Variants in HSP90AA1 observed in about 807,000 individuals in gnomAD.
HSP90AA1 encodes the protein heat shock protein 90 alpha family class A member 1.
Under a neutral mutation model 73.3 loss-of-function variants are expected in HSP90AA1, and 18 were observed. The ratio of observed to expected loss-of-function variants is 0.25; its 90% CI spans 0.17 to 0.36. The LOEUF is 0.36. Among genes scored for constraint, HSP90AA1 ranks in the 10% least tolerant of loss-of-function variants. The pLI is 1.00. For missense variants in HSP90AA1, 704 were observed against 874.2 expected, an observed-to-expected ratio of 0.81 and a Z score of 2.45; for synonymous variants, 477 against 296.9, an observed-to-expected ratio of 1.61 and a Z score of -6.24.
intron 1 of HSP90AA1, among the ~76,000 whole-genome samples, chr14:102,107,237 T>C (rs761659536): frequency 6.6e-6 from 1 of 152,004 alleles, no homozygotes; most frequent in Non-Finnish European, 1.5e-5. Context: ...CTGCCGCACA[T>C]CCTAGAGATT....
chr14:102,120,894 C>T (rs1370885719), intron 1 of HSP90AA1, among the ~76,000 whole-genome samples: 1 of 151,510 alleles, frequency 6.6e-6, no homozygotes, highest in Non-Finnish European at 1.5e-5. Context: ...GCTGAGATTG[C>T]ACCACTGCAC....
At position 102,139,195 on chromosome 14, in the gene HSP90AA1, C is replaced by G. The variant is rs576147960; in HGVS notation, c.155+55G>C. ...ATGCTGTACCACATTCTTCTCTCCC[C>G]CTACCCCGCCTGAAATAAAACATAG... is the stretch of plus-strand genomic sequence containing the variant. On this transcript the variant is annotated intron_variant, in intron 1 of 11. Coordinates refer to the HSP90AA1 transcript ENST00000334701. 65 of 1,602,622 alleles carry G rather than the reference C, an allele frequency of 4.1e-5. No individual in the cohort carries two copies. In the African/African-American group the frequency reaches 6.8e-4, roughly 17 times the overall value.
At chr14:102,093,439 C>T (rs2049384829) in intron 2 of HSP90AA1, among the ~76,000 whole-genome samples, 1 of 147,096 alleles carries the variant, frequency 6.8e-6, no homozygotes, top group African/African-American at 2.5e-5. Context: ...AACCCGAGAG[C>T]ACACCACTGC....
Position 102,085,836 on chromosome 14 carries a change from T to C in HSP90AA1, c.451A>G (p.Ile151Val), listed in dbSNP as rs990891880. Residue 151 changes from isoleucine (I) to valine (V), a missense_variant, in exon 3 of 11, where the codon ATC becomes GTC. Transcript: ENST00000216281. Reference sequence around the variant, plus strand: ...TGCTCATCATCGTTATGTTTGGTGATCACAGTTACTTTCTCAGCAACCAAA... The same window carrying C: ...TGCTCATCATCGTTATGTTTGGTGACCACAGTTACTTTCTCAGCAACCAAA... ...AYLVAEKVTV[I>V]TKHNDDEQYA... The C allele has an allele frequency of 1.9e-6, 3 of 1,613,956 alleles. No homozygotes were observed. In the South Asian group the frequency reaches 3.3e-5, roughly 18 times the overall value.
upstream of HSP90AA1, among the ~76,000 whole-genome samples, chr14:102,087,540 C>G (rs1249314766): frequency 2.6e-5 from 4 of 152,116 alleles, no homozygotes; most frequent in Non-Finnish European, 5.9e-5. Flanking sequence ...TCTCACGCGC[C>G]CGGGAGACTT....
intron 1 of HSP90AA1, among the ~76,000 whole-genome samples, chr14:102,138,779 A>C (rs1382540087): frequency 1.3e-5 from 2 of 152,172 alleles, no homozygotes; most frequent in African/African-American, 4.8e-5. Context: ...GTCACTTTAG[A>C]AGCTTTCTTA....
rs956229395 is a variant in HSP90AA1, at chr14:102,139,127, C to T, written c.155+123G>A. On this transcript the variant is annotated intron_variant, in intron 1 of 11. Transcript: ENST00000334701. The stretch of plus-strand genomic sequence containing the variant: ...CGCTAAGAAGCGGAGGCCGCCAGTG[C>T]TCATCACACGCAGGAATTAGGATAT... 4.0e-5 allele frequency: 48 copies of T among 1,208,602 alleles called. No homozygotes were observed. In the East Asian group the frequency reaches 1.1e-3, roughly 29 times the overall value. 74.9% of individuals were successfully genotyped at this position (1,208,602 alleles called of 1,614,324 possible). A position where few individuals can be genotyped will look rare whatever the true frequency, so the allele number is the denominator to read the frequency against.
upstream of HSP90AA1, among the ~76,000 whole-genome samples, chr14:102,087,660 T>A (rs1465452394): frequency 6.6e-6 from 1 of 152,152 alleles, no homozygotes; most frequent in East Asian, 1.9e-4. Flanking sequence ...CTCAGGCTGC[T>A]GCGCACTGGG....
At chr14:102,108,166 G>A (rs1251435765) in intron 1 of HSP90AA1, among the ~76,000 whole-genome samples, 6 of 151,232 alleles carry the variant, frequency 4.0e-5, no homozygotes, top group Non-Finnish European at 8.8e-5. Context: ...GGGAGGCTGA[G>A]GTGGGAGGAC....
chr14:102,082,887 G>A (rs758022950), intron 9 of HSP90AA1, 147 bp downstream of exon 9: 24 of 801,520 alleles, frequency 3.0e-5, no homozygotes, highest in Non-Finnish European at 5.2e-5. Context: ...CCAAAGTGCT[G>A]GGATTGCAGG....
intron 2 of HSP90AA1, 45 bp from the exon 3 acceptor site, chr14:102,086,169 A>G (rs774159765): frequency 6.2e-7 from 1 of 1,613,656 alleles, no homozygotes; most frequent in South Asian, 1.1e-5. Context: ...ACCCCCAAGA[A>G]GTTCACACTG....
chr14:102,098,046 G>A (rs920709077), intron 2 of HSP90AA1, among the ~76,000 whole-genome samples: 1 of 152,106 alleles, frequency 6.6e-6, no homozygotes, highest in Non-Finnish European at 1.5e-5. Context: ...TATCCCTTCC[G>A]GATGCCTTCC....
rs1238715647 is a variant in HSP90AA1 at position 102,083,595 on chromosome 14, G to A, written c.1437C>T (p.Asp479=). The A allele has an allele frequency of 6.2e-7, 1 of 1,613,560 alleles. No individual in the cohort carries two copies. The highest frequency in any genetic ancestry group is 1.7e-5 in the Admixed American group (1 of 59,992). ...ASGDEMVSLK[D]YCTRMKENQK... is the part of the protein sequence containing the mutation. ...GGTTCTCCTTCATTCTGGTGCAGTA[G>A]TCCTTGAGAGAAACCATCTCATCAC... The change falls in exon 8 of 11, where the codon GAC becomes GAT. Residue 479 remains aspartate, a synonymous_variant. Coordinates refer to ENST00000216281, the MANE Select transcript of HSP90AA1 (RefSeq NM_005348.4).
At chr14:102,102,771 T>C (rs544919574) in intron 1 of HSP90AA1, among the ~76,000 whole-genome samples, 16 of 152,268 alleles carry the variant, frequency 1.1e-4, no homozygotes, top group Non-Finnish European at 1.6e-4. Flanking sequence ...GAGTGGTGGC[T>C]CACGCCTGTA....
intron 1 of HSP90AA1, among the ~76,000 whole-genome samples, chr14:102,111,862 C>G (rs983819010): frequency 6.6e-6 from 1 of 152,100 alleles, no homozygotes; most frequent in Admixed American, 6.5e-5. Flanking sequence ...TTTTTTCCTA[C>G]TTGTGTTATG....
At chr14:102,101,635 G>A (rs895358029) in intron 2 of HSP90AA1, among the ~76,000 whole-genome samples, 5 of 152,210 alleles carry the variant, frequency 3.3e-5, no homozygotes, top group East Asian at 1.9e-4. Context: ...CTATAGCCCT[G>A]TATTATGATG....
At chr14:102,138,737 C>A (rs1406380134) in intron 1 of HSP90AA1, among the ~76,000 whole-genome samples, 4 of 152,114 alleles carry the variant, frequency 2.6e-5, no homozygotes, top group Admixed American at 1.3e-4. Context: ...TGTTGGCTTC[C>A]CCCCTCCCTG....
intron 1 of HSP90AA1, among the ~76,000 whole-genome samples, chr14:102,135,872 C>G (rs751470604): frequency 1.7e-4 from 26 of 152,254 alleles, no homozygotes; most frequent in Non-Finnish European, 3.8e-4. Context: ...CACGCAGCCC[C>G]GGTTCCCGCT....
intron 1 of HSP90AA1, among the ~76,000 whole-genome samples, chr14:102,116,896 A>C (rs1322759852): frequency 6.6e-6 from 1 of 151,836 alleles, no homozygotes; most frequent in Non-Finnish European, 1.5e-5. Flanking sequence ...TGGGAGCCCC[A>C]CCCTCCCAGG....
Sources: allele counts gnomAD v4.1 joint callset (sites outside exome capture counted in the v4.1 genomes callset), GRCh38; gene constraint gnomAD v4.1.1; transcripts MANE v1.5; gene names NCBI Gene and HGNC (gene_info 2026-07-23, HGNC 2026-07-21).